The following SH3RF3 variants were observed in gnomAD, a reference collection of about 807,000 sequenced individuals.
SH3RF3 encodes E3 ubiquitin-protein ligase SH3RF3.
In SH3RF3, 29 loss-of-function variants were observed where a neutral mutation model predicts 66.3. The observed-to-expected ratio is 0.44, with a 90% CI of 0.33 to 0.60. SH3RF3 has a LOEUF of 0.60. Ranked by LOEUF, SH3RF3 falls within the 20% of genes least tolerant of loss-of-function variation. The pLI is 0.04. For synonymous variants in SH3RF3, 583 were observed against 532.0 expected, an observed-to-expected ratio of 1.10 and a Z score of -1.32; for missense variants, 1,194 against 1,190.9, an observed-to-expected ratio of 1.00 and a Z score of -0.04.
intron 1 of SH3RF3, among the ~76,000 whole-genome samples, chr2:109,242,946 T>C (rs541461202): frequency 3.9e-5 from 6 of 152,374 alleles, no homozygotes; most frequent in Middle Eastern, 3.4e-3. Flanking sequence ...AAAGGACTCT[T>C]GTCCTCTGTG....
Position 109,398,079 on chromosome 2 carries a change from A to T in SH3RF3, c.946-511A>T, listed in dbSNP as rs371521572. ...AGCTTCTGTGGTTTATGCTGACCAG[A>T]GCAGACTCCCCTGCCACAGCCGGTC... On this transcript the variant is annotated intron_variant, in intron 3 of 9. Coordinates refer to ENST00000309415, the MANE Select transcript of SH3RF3 (RefSeq NM_001099289.3). Among the ~76,000 whole-genome samples, 5 of 152,292 alleles carry T rather than the reference A, an allele frequency of 3.3e-5. No individual in the cohort carries two copies. The East Asian group carries it at 7.7e-4, about 24-fold the overall frequency.
intron 1 of SH3RF3, among the ~76,000 whole-genome samples, chr2:109,197,937 T>A (rs932448241): frequency 1.3e-5 from 2 of 152,206 alleles, no homozygotes; most frequent in Non-Finnish European, 2.9e-5. Flanking sequence ...TTGGGCAGCC[T>A]TGGTTATTTG....
At chr2:109,207,452 G>A (rs183776037) in intron 1 of SH3RF3, among the ~76,000 whole-genome samples, 30 of 152,310 alleles carry the variant, frequency 2.0e-4, no homozygotes, top group African/African-American at 7.2e-4. Context: ...TATTTGTGAT[G>A]TAGGTAATTA....
intron 1 of SH3RF3, among the ~76,000 whole-genome samples, chr2:109,272,524 G>A (rs937645210): frequency 1.6e-4 from 25 of 152,210 alleles, no homozygotes; most frequent in African/African-American, 5.3e-4. Context: ...CACAGGGGCC[G>A]AGTAGGGTGT....
In SH3RF3 at chr2:109,394,668, T is replaced by A. The variant is rs11893154; in HGVS notation, c.946-3922T>A. On this transcript the variant is annotated intron_variant, in intron 3 of 9. Coordinates refer to ENST00000309415, the MANE Select transcript of SH3RF3 (RefSeq NM_001099289.3). Reference sequence around the variant, plus strand: ...TGCATTGGTTATGTGTGTGCACATCTATGTAGGAGGGGGACGTCCACCTGA... The same window carrying A: ...TGCATTGGTTATGTGTGTGCACATCAATGTAGGAGGGGGACGTCCACCTGA... Among the ~76,000 whole-genome samples the A allele has an allele frequency of 6.3e-3, 963 of 152,350 alleles. 12 individuals carry two copies. The highest frequency in any genetic ancestry group is 0.022 in the African/African-American group (905 of 41,574).
At chr2:109,212,240 T>C (rs975449269) in intron 1 of SH3RF3, among the ~76,000 whole-genome samples, 1 of 152,108 alleles carries the variant, frequency 6.6e-6, no homozygotes, top group African/African-American at 2.4e-5. Context: ...GACTCCTCAC[T>C]TCCCTCCAAC....
rs201933659 is a variant in SH3RF3, at chr2:109,199,849, G to GA, written c.573+69739dup. On this transcript the variant is annotated intron_variant, in intron 1 of 9. Coordinates refer to ENST00000309415, the MANE Select transcript of SH3RF3 (RefSeq NM_001099289.3). ...GAATGGAATGGAATGGAATGGAATG[G>GA]AAATAACAAAATTGTCTTGGGGATT... 4.8e-5 allele frequency among the ~76,000 whole-genome samples: 2 copies of GA among 41,934 alleles called. 1 individual carries two copies. Among genetic ancestry groups the GA allele is most frequent in the African/African-American group, 1.3e-4 (2 of 14,994 alleles). 27.5% of individuals were successfully genotyped at this position (41,934 alleles called of 152,430 possible). A position where few individuals can be genotyped will look rare whatever the true frequency, so the allele number is the denominator to read the frequency against.
chr2:109,429,541 G>A (rs1335215206), intron 5 of SH3RF3, among the ~76,000 whole-genome samples: 1 of 152,142 alleles, frequency 6.6e-6, no homozygotes, highest in Non-Finnish European at 1.5e-5. Context: ...CACCGGGCCT[G>A]TGCTTGGAGT....
chr2:109,284,997 G>A (rs987905770), intron 1 of SH3RF3, among the ~76,000 whole-genome samples: 1 of 152,270 alleles, frequency 6.6e-6, no homozygotes, highest in Admixed American at 6.5e-5. Context: ...GGGAACAGCT[G>A]CCTCTGGGAG....
At chr2:109,299,828 C>A (rs899638279) in intron 1 of SH3RF3, among the ~76,000 whole-genome samples, 2 of 152,108 alleles carry the variant, frequency 1.3e-5, no homozygotes, top group African/African-American at 4.8e-5. Flanking sequence ...AAAATGCTTA[C>A]AAAACCCAGC....
At chr2:109,376,648 A>T (rs1683392156) in intron 3 of SH3RF3, among the ~76,000 whole-genome samples, 1 of 152,202 alleles carries the variant, frequency 6.6e-6, no homozygotes, top group East Asian at 1.9e-4. Flanking sequence ...CAAGGAACCA[A>T]CTGAAAAAGA....
intron 7 of SH3RF3, among the ~76,000 whole-genome samples, chr2:109,443,404 A>G (rs1677625957): frequency 6.6e-6 from 1 of 152,164 alleles, no homozygotes; most frequent in Non-Finnish European, 1.5e-5. Flanking sequence ...GCCTTGTTCA[A>G]CCTCAGCTGG....
At chr2:109,149,396 C>T (rs1000818093) in intron 1 of SH3RF3, among the ~76,000 whole-genome samples, 8 of 152,308 alleles carry the variant, frequency 5.3e-5, no homozygotes, top group African/African-American at 1.9e-4. Context: ...AATAACGTAG[C>T]TATTAATATT....
chr2:109,433,646 C>G (rs1192868381), intron 6 of SH3RF3, among the ~76,000 whole-genome samples: 1 of 152,208 alleles, frequency 6.6e-6, no homozygotes, highest in Non-Finnish European at 1.5e-5. Context: ...TTGCTACTTG[C>G]AGAGTGGTCT....
chr2:109,191,159 A>G (rs540376596), intron 1 of SH3RF3, among the ~76,000 whole-genome samples: 86 of 152,272 alleles, frequency 5.6e-4, no homozygotes, highest in Non-Finnish European at 7.9e-4. Context: ...AGGGTCCCCA[A>G]CGTGCTATCA....
chr2:109,186,799 G>A (rs895850482), intron 1 of SH3RF3, among the ~76,000 whole-genome samples: 21 of 152,154 alleles, frequency 1.4e-4, no homozygotes, highest in African/African-American at 4.6e-4. Context: ...ACTGCCTTAG[G>A]TTCCACCTAC....
At chr2:109,422,792 C>T (rs760343173) in intron 5 of SH3RF3, among the ~76,000 whole-genome samples, 5 of 152,292 alleles carry the variant, frequency 3.3e-5, no homozygotes, top group Admixed American at 6.5e-5. Context: ...TTCTCACCTC[C>T]ACTTCTTCGT....
rs182969557 is a variant in SH3RF3 at position 109,217,473 on chromosome 2, A to G, written c.573+87360A>G. Among the ~76,000 whole-genome samples, 56 of 152,346 alleles carry G rather than the reference A, an allele frequency of 3.7e-4. 1 individual carries two copies. In the East Asian group the frequency reaches 9.6e-3, roughly 26 times the overall value. On this transcript the variant is annotated intron_variant, in intron 1 of 9. Transcript: ENST00000309415. ...AGGTTTATGGCCACGATTGGTAAAT[A>G]GACTCACTCCACATCTTAGTAATAG...
chr2:109,500,188 C>T lies in SH3RF3; in HGVS notation c.2481-1315C>T, dbSNP rs143467148. 2.2e-3 allele frequency among the ~76,000 whole-genome samples: 339 copies of T among 152,244 alleles called. 2 individuals are homozygous for T. Among genetic ancestry groups the T allele is most frequent in the African/African-American group, 7.8e-3 (326 of 41,530 alleles). On this transcript the variant is annotated intron_variant, in intron 9 of 9. Coordinates refer to ENST00000309415, the MANE Select transcript of SH3RF3 (RefSeq NM_001099289.3). ...GTCAGCCTAGGGATGCCACCTTGAG[C>T]TGTTAGAAGCTATGTTAGTGGTTGT...
Sources: allele counts gnomAD v4.1 joint callset (sites outside exome capture counted in the v4.1 genomes callset), GRCh38; gene constraint gnomAD v4.1.1; transcripts MANE v1.5; gene names NCBI Gene and HGNC (gene_info 2026-07-23, HGNC 2026-07-21).